Variants in SLC25A12 observed in about 807,000 individuals in gnomAD.
The protein encoded by SLC25A12 is electrogenic aspartate/glutamate antiporter SLC25A12, mitochondrial.
In SLC25A12, 32 loss-of-function variants were observed where a neutral mutation model predicts 83.3. The ratio of observed to expected loss-of-function variants is 0.38; its 90% CI spans 0.29 to 0.52. The LOEUF is 0.52. Ranked by LOEUF, SLC25A12 falls within the 20% of genes least tolerant of loss-of-function variation. The pLI is 0.84. For synonymous variants in SLC25A12, 267 were observed against 291.1 expected, an observed-to-expected ratio of 0.92 and a Z score of 0.84; for missense variants, 611 against 835.6, an observed-to-expected ratio of 0.73 and a Z score of 3.31.
At chr2:171,835,099 C>T (rs1174435173) in intron 6 of SLC25A12, among the ~76,000 whole-genome samples, 1 of 152,176 alleles carries the variant, frequency 6.6e-6, no homozygotes, top group African/African-American at 2.4e-5. Context: ...AGTTGGACTT[C>T]ATGGTTCATC....
chr2:171,812,044 T>C (rs778419410), intron 11 of SLC25A12, among the ~76,000 whole-genome samples: 11 of 152,222 alleles, frequency 7.2e-5, no homozygotes, highest in Non-Finnish European at 1.3e-4. Context: ...ATTCTGGATA[T>C]TGTACGCCTT....
chr2:171,879,747 G>C (rs981701492), intron 2 of SLC25A12, among the ~76,000 whole-genome samples: 1 of 152,166 alleles, frequency 6.6e-6, no homozygotes, highest in African/African-American at 2.4e-5. Context: ...CAATCAAGGT[G>C]CTGCTCCTAG....
chr2:171,844,982 T>C (rs1684762629), intron 4 of SLC25A12, among the ~76,000 whole-genome samples: 1 of 152,166 alleles, frequency 6.6e-6, no homozygotes, highest in African/African-American at 2.4e-5. Context: ...AATATGTCTA[T>C]TGAAGATAGG....
intron 13 of SLC25A12, among the ~76,000 whole-genome samples, chr2:171,804,785 G>A (rs1483514641): frequency 1.3e-5 from 2 of 152,182 alleles, no homozygotes; most frequent in Non-Finnish European, 2.9e-5. Flanking sequence ...GCACACACCT[G>A]CAGTCCTAGC....
At chr2:171,830,519 T>A (rs544133956) in intron 8 of SLC25A12, among the ~76,000 whole-genome samples, 1 of 150,248 alleles carries the variant, frequency 6.7e-6, no homozygotes, top group Admixed American at 6.6e-5. Context: ...TTGCTTTATA[T>A]TTTTTTTTTC....
Position 171,813,369 on chromosome 2 carries a change from G to A in SLC25A12, c.1141C>T (p.Arg381Cys). ...TAGAGTCCAAAGAAGCCCTCATAACGCAAGACTTTCTTAAAACAGTCAAAG... is the reference window on the plus strand; with the variant it reads ...TAGAGTCCAAAGAAGCCCTCATAACACAAGACTTTCTTAAAACAGTCAAAG... ...NSFDCFKKVL[R>C]YEGFFGLYRG... Residue 381 changes from arginine to cysteine, a missense_variant, in exon 11 of 18, where the codon CGT becomes TGT. Around this residue, in one of 3 missense-constraint regions of SLC25A12, gnomAD observed 540 missense variants for 777.5 expected, o/e 0.69. Coordinates refer to ENST00000422440, the MANE Select transcript of SLC25A12 (RefSeq NM_003705.5). 6.2e-7 allele frequency: 1 copy of A among 1,613,988 alleles called. No homozygotes were observed.
intron 9 of SLC25A12, among the ~76,000 whole-genome samples, chr2:171,818,508 T>C (rs1684104160): frequency 1.3e-5 from 2 of 151,676 alleles, no homozygotes; most frequent in South Asian, 2.1e-4. Flanking sequence ...ATGTGGCTCA[T>C]AGCAGTAATC....
intron 2 of SLC25A12, among the ~76,000 whole-genome samples, chr2:171,891,554 A>G (rs1685939497): frequency 6.6e-6 from 1 of 152,222 alleles, no homozygotes; most frequent in Non-Finnish European, 1.5e-5. Flanking sequence ...AGATAAATGC[A>G]GGGCTGGGAA....
intron 14 of SLC25A12, among the ~76,000 whole-genome samples, chr2:171,792,768 T>C (rs1219433882): frequency 2.0e-5 from 3 of 152,248 alleles, no homozygotes; most frequent in East Asian, 3.9e-4. Context: ...TGTACGAAAC[T>C]CTCTTGAGAC....
At chr2:171,864,685 C>T (rs576326065) in intron 3 of SLC25A12, among the ~76,000 whole-genome samples, 1 of 152,308 alleles carries the variant, frequency 6.6e-6, no homozygotes, top group East Asian at 1.9e-4. Context: ...TATCCAACTA[C>T]TAACAAGCTT....
chr2:171,892,634 T>C (rs892402434), intron 2 of SLC25A12, among the ~76,000 whole-genome samples: 8 of 152,186 alleles, frequency 5.3e-5, no homozygotes, highest in African/African-American at 1.7e-4. Context: ...TTTCTTTTCT[T>C]TTTAAGTCTA....
intron 13 of SLC25A12, among the ~76,000 whole-genome samples, chr2:171,795,020 G>A (rs1683571681): frequency 6.6e-6 from 1 of 152,050 alleles, no homozygotes; most frequent in South Asian, 2.1e-4. Context: ...TTTCCTAATT[G>A]CCTTGGGACT....
chr2:171,843,648 A>ACTT (rs1684729198), intron 5 of SLC25A12, among the ~76,000 whole-genome samples: 1 of 151,942 alleles, frequency 6.6e-6, no homozygotes, highest in Admixed American at 6.6e-5. Context: ...ATATATAATA[A>ACTT]CTTCAGCCAC....
At chr2:171,891,885 T>C (rs1328726470) in intron 2 of SLC25A12, among the ~76,000 whole-genome samples, 1 of 152,242 alleles carries the variant, frequency 6.6e-6, no homozygotes, top group Non-Finnish European at 1.5e-5. Flanking sequence ...ATTCCCATTT[T>C]CACAAATTAT....
intron 14 of SLC25A12, among the ~76,000 whole-genome samples, chr2:171,792,617 GAC>G (rs1197922629): frequency 1.3e-5 from 2 of 149,274 alleles, no homozygotes; most frequent in African/African-American, 4.9e-5. Flanking sequence ...TTTAAAAAAA[GAC>G]AAACTCAAAC....
At position 171,785,123 on chromosome 2, in the gene SLC25A12, T is replaced by C; in HGVS notation, c.*151A>G. On this transcript the variant is annotated 3_prime_UTR_variant, in exon 18 of 18. Coordinates refer to ENST00000422440, the MANE Select transcript of SLC25A12 (RefSeq NM_003705.5). ...TTTTTCCCTGGGCAAATGATTATTT[T>C]ATAAACAAGTATATGTATATGTCAT... 1 of 708,380 alleles carries C rather than the reference T, an allele frequency of 1.4e-6. No homozygotes were observed. The highest frequency in any genetic ancestry group is 2.5e-6 in the Non-Finnish European group (1 of 405,624). 43.9% of individuals were successfully genotyped at this position (708,380 alleles called of 1,614,324 possible). A position where few individuals can be genotyped will look rare whatever the true frequency, so the allele number is the denominator to read the frequency against.
At chr2:171,858,333 AAAAC>A (rs1237050610) in intron 3 of SLC25A12, among the ~76,000 whole-genome samples, 1 of 152,206 alleles carries the variant, frequency 6.6e-6, no homozygotes, top group Admixed American at 6.5e-5. Context: ...GAGGAAGAAA[AAAAC>A]AGACTGACCA....
At chr2:171,825,965 AC>A (rs772942940) in intron 9 of SLC25A12, among the ~76,000 whole-genome samples, 12 of 152,318 alleles carry the variant, frequency 7.9e-5, no homozygotes, top group Non-Finnish European at 1.6e-4. Flanking sequence ...ATCATTCTTA[AC>A]ATTTATAAAA....
chr2:171,871,265 C>G (rs1685451565), intron 2 of SLC25A12, among the ~76,000 whole-genome samples: 1 of 151,712 alleles, frequency 6.6e-6, no homozygotes, highest in South Asian at 2.1e-4. Context: ...TATCAGCCTG[C>G]ATAAGAAGTA....
Sources: gnomAD v4.1 joint callset for allele counts (sites outside exome capture counted in the v4.1 genomes callset) on GRCh38, gnomAD v4.1.1 for gene constraint, gnomAD v4.1.1 regional missense constraint, MANE v1.5 for transcripts, NCBI Gene and HGNC (gene_info 2026-07-23, HGNC 2026-07-21) for gene names.